PRR5L: variants seen among roughly 807,000 people sequenced by gnomAD.
PRR5L encodes the protein proline-rich protein 5-like.
PRR5L carries 21 observed loss-of-function variants against 36.4 expected under a neutral mutation model. The ratio of observed to expected loss-of-function variants is 0.58; its 90% CI spans 0.41 to 0.83. PRR5L has a LOEUF of 0.83. PRR5L is among the 40% of genes least tolerant of loss of function. The pLI is 0.00. For missense variants in PRR5L, 381 were observed against 473.3 expected (o/e 0.80, Z 1.81); for synonymous variants, 188 against 197.0 (o/e 0.95, Z 0.38).
chr11:36,305,560 G>A (rs374927027), intron 1 of PRR5L, among the ~76,000 whole-genome samples: 4 of 152,138 alleles, frequency 2.6e-5, no homozygotes, highest in African/African-American at 7.2e-5. Context: ...GAATATTTAC[G>A]TCCCCCTGAA....
chr11:36,389,907 G>C (rs1037208712), intron 1 of PRR5L, among the ~76,000 whole-genome samples: 3 of 152,054 alleles, frequency 2.0e-5, no homozygotes, highest in Non-Finnish European at 4.4e-5. Context: ...TTGATGTTCT[G>C]AGCCGACACC....
intron 1 of PRR5L, among the ~76,000 whole-genome samples, chr11:36,316,252 T>C (rs191805081): frequency 1.4e-3 from 219 of 152,348 alleles, no homozygotes; most frequent in Non-Finnish European, 2.1e-3. Context: ...TAAAACTTTA[T>C]AGAAACAGGT....
chr11:36,354,803 C>T (rs916800795), intron 1 of PRR5L, among the ~76,000 whole-genome samples: 2 of 152,048 alleles, frequency 1.3e-5, no homozygotes, highest in South Asian at 2.1e-4. Context: ...GGGAATCATA[C>T]GGTATGTGAA....
intron 3 of PRR5L, among the ~76,000 whole-genome samples, chr11:36,417,576 T>C (rs1314064082): frequency 6.6e-6 from 1 of 152,216 alleles, no homozygotes; most frequent in East Asian, 1.9e-4. Context: ...GCCCTCAAAA[T>C]GCAGCATCCA....
At chr11:36,417,951 T>C (rs1858181739) in intron 3 of PRR5L, among the ~76,000 whole-genome samples, 1 of 152,240 alleles carries the variant, frequency 6.6e-6, no homozygotes, top group Non-Finnish European at 1.5e-5. Context: ...TTTTGTTCCC[T>C]TACCTTGTCT....
intron 1 of PRR5L, among the ~76,000 whole-genome samples, chr11:36,366,394 A>G (rs915435895): frequency 3.2e-5 from 4 of 125,480 alleles, no homozygotes; most frequent in Admixed American, 8.9e-5. Context: ...TATCAATTCC[A>G]TATTTGTGTG....
chr11:36,429,617 G>A (rs922891043), intron 4 of PRR5L, among the ~76,000 whole-genome samples: 4 of 152,140 alleles, frequency 2.6e-5, no homozygotes, highest in African/African-American at 9.7e-5. Flanking sequence ...TGAAATTAGG[G>A]AGGGTTAGGA....
chr11:36,299,644 A>G (rs1856352294), intron 1 of PRR5L, among the ~76,000 whole-genome samples: 5 of 152,288 alleles, frequency 3.3e-5, no homozygotes, highest in South Asian at 4.1e-4. Flanking sequence ...AAAGAACCCT[A>G]GGAGTTCTTC....
At chr11:36,356,160 C>T (rs1203585536) in intron 1 of PRR5L, among the ~76,000 whole-genome samples, 1 of 152,154 alleles carries the variant, frequency 6.6e-6, no homozygotes, top group African/African-American at 2.4e-5. Context: ...GATCTGCCTG[C>T]CTCGGCCTCC....
At chr11:36,347,418 A>G (rs192734617) in intron 1 of PRR5L, among the ~76,000 whole-genome samples, 9 of 152,298 alleles carry the variant, frequency 5.9e-5, no homozygotes, top group South Asian at 2.1e-4. Context: ...TAATGAAAGT[A>G]TAATTTTCTG....
intron 1 of PRR5L, among the ~76,000 whole-genome samples, chr11:36,351,252 A>G (rs1856940739): frequency 1.9e-5 from 1 of 53,902 alleles, no homozygotes; most frequent in African/African-American, 8.3e-5. Flanking sequence ...ATATATTTTT[A>G]TATATGTATA....
chr11:36,325,610 A>G (rs991657677), intron 1 of PRR5L, among the ~76,000 whole-genome samples: 8 of 152,294 alleles, frequency 5.3e-5, no homozygotes, highest in South Asian at 4.1e-4. Context: ...TTGCCTAATT[A>G]GCATTTTAGT....
At chr11:36,438,923 A>AT (rs1239273288) in intron 6 of PRR5L, among the ~76,000 whole-genome samples, 3 of 152,174 alleles carry the variant, frequency 2.0e-5, no homozygotes, top group Non-Finnish European at 4.4e-5. Flanking sequence ...TGACAGAGCA[A>AT]AACCCTGTCT....
At chr11:36,340,090 G>A (rs1456208233) in intron 1 of PRR5L, among the ~76,000 whole-genome samples, 1 of 152,226 alleles carries the variant, frequency 6.6e-6, no homozygotes, top group East Asian at 1.9e-4. Context: ...ATTCTGCAGT[G>A]ACAGGAAGGA....
intron 5 of PRR5L, among the ~76,000 whole-genome samples, chr11:36,437,051 C>T (rs1435718279): frequency 2.6e-5 from 4 of 152,222 alleles, no homozygotes; most frequent in African/African-American, 9.6e-5. Context: ...TCTTTCCTCC[C>T]CACACCTAAT....
In PRR5L at chr11:36,403,303, A is replaced by G; in HGVS notation, c.170A>G (p.Gln57Arg). Residue 57 changes from glutamine (Q) to arginine (R), a missense_variant, in exon 3 of 9, where the codon CAG (glutamine) becomes CGG (arginine). Physicochemically the swap from Gln to Arg is conservative, Grantham distance 43. Transcript: ENST00000530639. Reference sequence around the variant, plus strand: ...GTTATTCTCTTTTCCTGTAGCGTTCAGACTGCTGTGATCAACGTTTTCAAA... The same window carrying G: ...GTTATTCTCTTTTCCTGTAGCGTTCGGACTGCTGTGATCAACGTTTTCAAA... ...LSSSSAWNSV[Q>R]TAVINVFKGG... The G allele has an allele frequency of 1.9e-6, 3 of 1,614,034 alleles. No homozygotes were observed. Among genetic ancestry groups the G allele is most frequent in the Non-Finnish European group, 2.5e-6 (3 of 1,179,908 alleles).
intron 3 of PRR5L, 95 bp downstream of exon 3, chr11:36,403,473 T>C: frequency 1.1e-6 from 1 of 907,940 alleles, no homozygotes; most frequent in East Asian, 2.5e-5. Flanking sequence ...GTTTTTTTTT[T>C]TTTTTTCCTG....
chr11:36,392,012 C>T (rs994332152), intron 1 of PRR5L, among the ~76,000 whole-genome samples: 12 of 152,148 alleles, frequency 7.9e-5, no homozygotes, highest in Admixed American at 2.6e-4. Context: ...TTCCTGTCTC[C>T]GTGAGTTCAA....
At chr11:36,317,854 G>C (rs193146406) in intron 1 of PRR5L, among the ~76,000 whole-genome samples, 1 of 152,258 alleles carries the variant, frequency 6.6e-6, no homozygotes, top group African/African-American at 2.4e-5. Context: ...ACGTGTTCAA[G>C]TGTCAAGTTT....
Sources: gnomAD v4.1 joint callset for allele counts (sites outside exome capture counted in the v4.1 genomes callset) on GRCh38, gnomAD v4.1.1 for gene constraint, MANE v1.5 for transcripts, NCBI Gene and HGNC (gene_info 2026-07-23, HGNC 2026-07-21) for gene names.